The following L2HGDH variants were observed in gnomAD, a reference collection of about 807,000 sequenced individuals.
The protein encoded by L2HGDH is L-2-hydroxyglutarate dehydrogenase.
In L2HGDH, 34 loss-of-function variants were observed where a neutral mutation model predicts 51.5. The ratio of observed to expected loss-of-function variants is 0.66; its 90% CI spans 0.50 to 0.88. The LOEUF (loss-of-function observed/expected upper bound fraction) is 0.88. Ranked by LOEUF, L2HGDH falls within the 40% of genes least tolerant of loss-of-function variation. The probability of loss-of-function intolerance (pLI) is 0.00; values close to 1 mark genes in which losing one functional copy is unlikely to be tolerated. For missense variants in L2HGDH, 558 were observed against 571.9 expected, an observed-to-expected ratio of 0.98 and a Z score of 0.25; for synonymous variants, 198 against 197.9, an observed-to-expected ratio of 1.00 and a Z score of -0.01.
rs1200073379 is a variant in L2HGDH at position 50,246,121 on chromosome 14, C to G, written c.*937G>C. ...CTGGGCAACAAGAGTGAAACTCCGTCTGAAAAAAAAAATAAATAAAAGTCA... is the reference window on the plus strand; with the variant it reads ...CTGGGCAACAAGAGTGAAACTCCGTGTGAAAAAAAAAATAAATAAAAGTCA... On this transcript the variant is annotated 3_prime_UTR_variant, in exon 10 of 10. Coordinates refer to ENST00000267436, the MANE Select transcript of L2HGDH (RefSeq NM_024884.3). 6.8e-6 allele frequency: 1 copy of G among 147,510 alleles called. No homozygotes were observed. The highest frequency in any genetic ancestry group is 3.2e-3 in the Middle Eastern group (1 of 310). 9.1% of individuals were successfully genotyped at this position (147,510 alleles called of 1,614,324 possible).
Position 50,244,991 on chromosome 14 carries a change from C to G in L2HGDH, c.*2067G>C, listed in dbSNP as rs536439640. 6.0e-5 allele frequency: 59 copies of G among 985,208 alleles called. No homozygotes were observed. The highest frequency in any genetic ancestry group is 6.9e-5 in the Non-Finnish European group (57 of 829,698). The allele number at this position is 985,208 out of a possible 1,614,324, so 61.0% of individuals were successfully genotyped here. A position where few individuals can be genotyped will look rare whatever the true frequency, so the allele number is the denominator to read the frequency against. On this transcript the variant is annotated 3_prime_UTR_variant, in exon 10 of 10. Coordinates refer to ENST00000267436, the MANE Select transcript of L2HGDH (RefSeq NM_024884.3). Reference sequence around the variant, plus strand: ...TTCATTTACAATTTCTATTTTCTAACTTTCTAAATTATAAGAATAATTTCG... The same window carrying G: ...TTCATTTACAATTTCTATTTTCTAAGTTTCTAAATTATAAGAATAATTTCG...
chr14:50,312,210 G>A lies in L2HGDH; in HGVS notation c.-60C>T, dbSNP rs568178074. 186 of 1,590,904 alleles carry A rather than the reference G, an allele frequency of 1.2e-4. No homozygotes were observed. The highest frequency in any genetic ancestry group is 1.7e-4 in the Middle Eastern group (1 of 6,024). On this transcript the variant is annotated 5_prime_UTR_variant, in exon 1 of 10. Transcript: ENST00000267436. ...AGAAGCCACTTGACCCTCCACGGCC[G>A]AGGACCCGCGCTCTTTAGCCCCGCC...
intron 3 of L2HGDH, among the ~76,000 whole-genome samples, chr14:50,301,591 C>A (rs1944104725): frequency 6.6e-6 from 1 of 152,106 alleles, no homozygotes; most frequent in African/African-American, 2.4e-5. Flanking sequence ...GTATATGAAT[C>A]TATTTATATG....
chr14:50,309,938 TC>T (rs1270463991), intron 1 of L2HGDH, among the ~76,000 whole-genome samples: 2 of 151,954 alleles, frequency 1.3e-5, no homozygotes, highest in Non-Finnish European at 2.9e-5. Flanking sequence ...CAACCTATCC[TC>T]CCACCTCGGC....
chr14:50,298,735 A>G (rs908947647), intron 3 of L2HGDH, among the ~76,000 whole-genome samples: 1 of 152,134 alleles, frequency 6.6e-6, no homozygotes, highest in Non-Finnish European at 1.5e-5. Flanking sequence ...CTCCTAAATG[A>G]CCAGTGGGCC....
Position 50,243,260 on chromosome 14 carries a change from C to T in L2HGDH, c.*3798G>A. On this transcript the variant is annotated 3_prime_UTR_variant, in exon 10 of 10. Coordinates refer to ENST00000267436, the MANE Select transcript of L2HGDH (RefSeq NM_024884.3). ...ATACTTGCTGGTACATCAAGAGTTC[C>T]TCACAAACACTCTGAAGTTAAAATC... The T allele has an allele frequency of 1.0e-6, 1 of 985,402 alleles. No homozygotes were observed. The highest frequency in any genetic ancestry group is 1.2e-6 in the Non-Finnish European group (1 of 829,930). The allele number at this position is 985,402 out of a possible 1,614,324, so 61.0% of individuals were successfully genotyped here. A position where few individuals can be genotyped will look rare whatever the true frequency, so the allele number is the denominator to read the frequency against.
At chr14:50,301,982 T>C (rs1555332820) in intron 3 of L2HGDH, 35 bp downstream of exon 3, 2 of 1,609,414 alleles carry the variant, frequency 1.2e-6, no homozygotes, top group South Asian at 1.1e-5. Flanking sequence ...AAATGCTAGT[T>C]GGAAATTAGT....
chr14:50,287,558 C>T (rs1795287113), intron 4 of L2HGDH, among the ~76,000 whole-genome samples: 1 of 151,440 alleles, frequency 6.6e-6, no homozygotes, highest in Admixed American at 6.6e-5. Flanking sequence ...ATTGGCATGT[C>T]CTTTTGAAGG....
At chr14:50,287,282 A>T in intron 4 of L2HGDH, 1 of 984,222 alleles carries the variant, frequency 1.0e-6, no homozygotes, top group African/African-American at 1.7e-5. Context: ...AATGCATAAT[A>T]TAAAAAATCA....
intron 4 of L2HGDH, among the ~76,000 whole-genome samples, chr14:50,285,275 A>G (rs1458416796): frequency 1.3e-5 from 2 of 152,166 alleles, no homozygotes; most frequent in Non-Finnish European, 2.9e-5. Context: ...TTGCTATCCC[A>G]CTGGGACCAA....
At position 50,245,812 on chromosome 14, in the gene L2HGDH, C is replaced by G; in HGVS notation, c.*1246G>C. Reference sequence around the variant, plus strand: ...TTCTCTAGGTCATGGTTGGTAAGGACAGGTCATTAACAAAGTCAGGGATTC... The same window carrying G: ...TTCTCTAGGTCATGGTTGGTAAGGAGAGGTCATTAACAAAGTCAGGGATTC... On this transcript the variant is annotated 3_prime_UTR_variant, in exon 10 of 10. Transcript: ENST00000267436. The G allele has an allele frequency of 2.0e-6, 2 of 985,292 alleles. No homozygotes were observed. Among genetic ancestry groups the G allele is most frequent in the Non-Finnish European group, 2.4e-6 (2 of 829,904 alleles). The allele number at this position is 985,292 out of a possible 1,614,324, so 61.0% of individuals were successfully genotyped here. A position where few individuals can be genotyped will look rare whatever the true frequency, so the allele number is the denominator to read the frequency against.
At chr14:50,295,351 G>A (rs189610090) in intron 3 of L2HGDH, among the ~76,000 whole-genome samples, 30 of 152,108 alleles carry the variant, frequency 2.0e-4, no homozygotes, top group Admixed American at 2.0e-3. Flanking sequence ...CTCCAGCCTA[G>A]GCAACAGGAC....
intron 5 of L2HGDH, among the ~76,000 whole-genome samples, chr14:50,280,165 CT>C (rs1258447852): frequency 1.7e-3 from 240 of 140,924 alleles, no homozygotes; most frequent in Middle Eastern, 7.2e-3. Flanking sequence ...TGGGTCACTG[CT>C]TTTTTTTTTT....
intron 2 of L2HGDH, 43 bp downstream of exon 2, chr14:50,302,859 A>T: frequency 7.9e-7 from 1 of 1,257,912 alleles, no homozygotes; most frequent in Non-Finnish European, 1.2e-6. Context: ...AAATGAGCAG[A>T]TGCCCAAGTA....
intron 6 of L2HGDH, among the ~76,000 whole-genome samples, chr14:50,271,172 T>C (rs1338633780): frequency 6.6e-6 from 1 of 152,206 alleles, no homozygotes; most frequent in Non-Finnish European, 1.5e-5. Context: ...TTCTTCTAAA[T>C]AGGTTAATAT....
At chr14:50,260,968 T>A (rs1169760062) in intron 9 of L2HGDH, among the ~76,000 whole-genome samples, 1 of 152,066 alleles carries the variant, frequency 6.6e-6, no homozygotes, top group South Asian at 2.1e-4. Context: ...ATACAAAAAA[T>A]TAGCCGGGTG....
chr14:50,267,896 C>G lies in L2HGDH; in HGVS notation c.921G>C (p.Arg307=), dbSNP rs1263609842. 2 of 1,614,010 alleles carry G rather than the reference C, an allele frequency of 1.2e-6. No individual in the cohort carries two copies. Among genetic ancestry groups the G allele is most frequent in the Non-Finnish European group, 1.7e-6 (2 of 1,179,914 alleles). Reference sequence around the variant, plus strand: ...TGAAGTGAACTCCTAGGAAAGGAAACCGGCTATCTGGGACCTATAAATTTA... The same window carrying G: ...TGAAGTGAACTCCTAGGAAAGGAAAGCGGCTATCTGGGACCTATAAATTTA... ...KGNIYPVPDS[R]FPFLGVHFTP... is the part of the protein sequence containing the mutation. The change falls in exon 8 of 10, where the codon CGG becomes CGC. Residue 307 remains arginine, a synonymous_variant. Coordinates refer to ENST00000267436, the MANE Select transcript of L2HGDH (RefSeq NM_024884.3).
chr14:50,310,186 G>T (rs2031009207), intron 1 of L2HGDH, among the ~76,000 whole-genome samples: 1 of 151,914 alleles, frequency 6.6e-6, no homozygotes, highest in Non-Finnish European at 1.5e-5. Flanking sequence ...GTTTTCATTG[G>T]GGTAAATGGG....
At chr14:50,256,573 C>T (rs1888678713) in intron 9 of L2HGDH, among the ~76,000 whole-genome samples, 1 of 151,324 alleles carries the variant, frequency 6.6e-6, no homozygotes, top group Non-Finnish European at 1.5e-5. Context: ...TTTTTAAATC[C>T]AACCTGATAA....
Sources: gnomAD v4.1 joint callset for allele counts (sites outside exome capture counted in the v4.1 genomes callset) on GRCh38, gnomAD v4.1.1 for gene constraint, MANE v1.5 for transcripts, NCBI Gene and HGNC (gene_info 2026-07-23, HGNC 2026-07-21) for gene names.